The following MAST4 variants were observed in gnomAD, a reference collection of about 807,000 sequenced individuals.
MAST4 encodes microtubule associated serine/threonine kinase family member 4.
In MAST4, 89 loss-of-function variants were observed where a neutral mutation model predicts 162.7. The observed-to-expected ratio is 0.55, with a 90% CI of 0.46 to 0.65. The LOEUF (loss-of-function observed/expected upper bound fraction) is 0.65, where lower values mean the gene tolerates loss of function less well. MAST4 is among the 30% of genes least tolerant of loss of function. The probability of loss-of-function intolerance (pLI) is 0.00; values close to 1 mark genes in which losing one functional copy is unlikely to be tolerated. For synonymous variants in MAST4, 1,479 were observed against 1,361.1 expected (o/e 1.09, Z -1.91); for missense variants, 3,153 against 3,374.0 (o/e 0.93, Z 1.62).
intron 14 of MAST4, among the ~76,000 whole-genome samples, chr5:67,128,526 G>A (rs1768534060): frequency 1.3e-5 from 2 of 152,114 alleles, no homozygotes; most frequent in African/African-American, 2.4e-5. Context: ...AAATATAGAT[G>A]TGTGATTTGC....
At position 67,110,157 on chromosome 5, in the gene MAST4, C is replaced by A; in HGVS notation, c.1416C>A (p.Ile472=). 6.2e-7 allele frequency: 1 copy of A among 1,613,704 alleles called. No homozygotes were observed. Among genetic ancestry groups the A allele is most frequent in the Non-Finnish European group, 8.5e-7 (1 of 1,179,702 alleles). Residue 472 remains isoleucine, a synonymous_variant, in exon 11 of 29, where the codon ATC becomes ATA. Coordinates refer to ENST00000403625, the MANE Select transcript of MAST4 (RefSeq NM_001164664.2). The stretch of plus-strand genomic sequence containing the variant: ...TTATTAAACAACTAGTTCGAAAGAT[C>A]CTAATTGTTATTGCCCGCCCTGCTC... ...LAFIKQLVRK[I]LIVIARPARL...
chr5:66,754,899 T>C (rs938251709), intron 1 of MAST4, among the ~76,000 whole-genome samples: 5 of 152,084 alleles, frequency 3.3e-5, no homozygotes, highest in African/African-American at 9.7e-5. Flanking sequence ...AGCTAATATC[T>C]GGAATGTGTC....
chr5:67,159,480 A>G (rs906447376), intron 26 of MAST4, among the ~76,000 whole-genome samples: 3 of 152,124 alleles, frequency 2.0e-5, no homozygotes, highest in Non-Finnish European at 2.9e-5. Context: ...AACTCCCCCC[A>G]ACTCCCCTTC....
At chr5:67,118,659 A>G in intron 12 of MAST4, 23 bp from the exon 13 acceptor site, 1 of 1,448,252 alleles carries the variant, frequency 6.9e-7, no homozygotes, top group Non-Finnish European at 9.5e-7. Flanking sequence ...TATTAAGCTT[A>G]ACTTTTTTTT....
chr5:66,850,564 GA>G (rs1759231620), intron 3 of MAST4, among the ~76,000 whole-genome samples: 1 of 152,150 alleles, frequency 6.6e-6, no homozygotes. Flanking sequence ...CTCGTGTGTG[GA>G]TTGGTCACAG....
intron 4 of MAST4, among the ~76,000 whole-genome samples, chr5:66,974,283 TC>T (rs1581071316): frequency 1.3e-5 from 2 of 152,208 alleles, no homozygotes; most frequent in Admixed American, 1.3e-4. Flanking sequence ...TATCATTGAG[TC>T]CCTAGTATCT....
chr5:67,060,311 A>T (rs1418750816), intron 5 of MAST4, among the ~76,000 whole-genome samples: 1 of 152,172 alleles, frequency 6.6e-6, no homozygotes, highest in East Asian at 1.9e-4. Flanking sequence ...TGGTTTTATA[A>T]ACAGGCATGT....
Position 67,100,554 on chromosome 5 carries a change from C to T in MAST4, c.1032C>T (p.Cys344=). 1 of 1,613,950 alleles carries T rather than the reference C, an allele frequency of 6.2e-7. No homozygotes were observed. The highest frequency in any genetic ancestry group is 8.5e-7 in the Non-Finnish European group (1 of 1,179,846). The change falls in exon 8 of 29, where the codon TGC becomes TGT. Residue 344 remains cysteine, a synonymous_variant. Coordinates refer to ENST00000403625, the MANE Select transcript of MAST4 (RefSeq NM_001164664.2). ...AAAGCATCGCCACTGAGAACAGATGCAGGAACACGCCGATGCGCCCCCGTT... is the reference window on the plus strand; with the variant it reads ...AAAGCATCGCCACTGAGAACAGATGTAGGAACACGCCGATGCGCCCCCGTT... ...TTESIATENR[C]RNTPMRPRSR...
At chr5:66,857,182 A>G (rs1759750902) in intron 3 of MAST4, among the ~76,000 whole-genome samples, 1 of 152,066 alleles carries the variant, frequency 6.6e-6, no homozygotes. Flanking sequence ...TTTTTTCCCC[A>G]CTCAGAATAG....
chr5:66,882,100 G>A (rs1421592657), intron 3 of MAST4, among the ~76,000 whole-genome samples: 1 of 152,156 alleles, frequency 6.6e-6, no homozygotes, highest in East Asian at 1.9e-4. Flanking sequence ...TCAGGTTAAT[G>A]TGTTTTGAGA....
chr5:67,105,811 G>T (rs979597712), intron 10 of MAST4, among the ~76,000 whole-genome samples: 20 of 152,122 alleles, frequency 1.3e-4, no homozygotes, highest in African/African-American at 4.8e-4. Flanking sequence ...ACTGTTCCCA[G>T]TCCACAGGCT....
chr5:67,009,474 A>G (rs967372017), intron 4 of MAST4, among the ~76,000 whole-genome samples: 3 of 152,214 alleles, frequency 2.0e-5, no homozygotes, highest in Admixed American at 6.5e-5. Context: ...TACCTGGGTT[A>G]ACATCTTGAC....
At chr5:66,757,355 C>T (rs1753602568) in intron 1 of MAST4, among the ~76,000 whole-genome samples, 1 of 152,186 alleles carries the variant, frequency 6.6e-6, no homozygotes. Flanking sequence ...ATTCTTAGTG[C>T]ATTTACTAGG....
chr5:66,757,850 A>G (rs1011509039), intron 1 of MAST4, among the ~76,000 whole-genome samples: 2 of 152,194 alleles, frequency 1.3e-5, no homozygotes, highest in Non-Finnish European at 2.9e-5. Context: ...GTATGAGCAC[A>G]AAATGGAGCC....
intron 7 of MAST4, among the ~76,000 whole-genome samples, chr5:67,096,635 A>T (rs1764494828): frequency 1.3e-5 from 2 of 152,158 alleles, no homozygotes; most frequent in South Asian, 4.1e-4. Flanking sequence ...AACTGGTATC[A>T]CCTCTGCCTT....
chr5:66,846,821 A>G (rs929862091), intron 3 of MAST4, among the ~76,000 whole-genome samples: 1 of 152,208 alleles, frequency 6.6e-6, no homozygotes, highest in Non-Finnish European at 1.5e-5. Flanking sequence ...TCATGGAGGT[A>G]AAATGGTGTC....
intron 4 of MAST4, among the ~76,000 whole-genome samples, chr5:67,036,955 T>C (rs1756093445): frequency 6.6e-6 from 1 of 152,186 alleles, no homozygotes; most frequent in Non-Finnish European, 1.5e-5. Flanking sequence ...TGTCCCTCAC[T>C]GTCTTTTGTT....
At chr5:66,947,528 C>T (rs1561469473) in intron 4 of MAST4, among the ~76,000 whole-genome samples, 1 of 152,122 alleles carries the variant, frequency 6.6e-6, no homozygotes, top group Non-Finnish European at 1.5e-5. Flanking sequence ...ACTTTGCCAT[C>T]TAGATATTGG....
intron 4 of MAST4, among the ~76,000 whole-genome samples, chr5:67,044,050 G>T (rs1757080943): frequency 6.6e-6 from 1 of 152,210 alleles, no homozygotes; most frequent in African/African-American, 2.4e-5. Context: ...TGGCAGGCTA[G>T]ATTAGGCCAT....
Sources: allele counts gnomAD v4.1 joint callset (sites outside exome capture counted in the v4.1 genomes callset), GRCh38; gene constraint gnomAD v4.1.1; transcripts MANE v1.5; gene names NCBI Gene and HGNC (gene_info 2026-07-23, HGNC 2026-07-21).